EYA3: variants seen among roughly 807,000 people sequenced by gnomAD.
The protein encoded by EYA3 is EYA transcriptional coactivator and phosphatase 3.
Under a neutral mutation model 80.0 loss-of-function variants are expected in EYA3, and 39 were observed. The ratio of observed to expected loss-of-function variants is 0.49; its 90% confidence interval spans 0.38 to 0.64. EYA3 has a LOEUF of 0.64. EYA3 is among the 30% of genes least tolerant of loss of function. The pLI is 0.00. For missense variants in EYA3, 523 were observed against 676.1 expected, an observed-to-expected ratio of 0.77 and a Z score of 2.51; for synonymous variants, 206 against 232.8, an observed-to-expected ratio of 0.88 and a Z score of 1.05.
intron 17 of EYA3, among the ~76,000 whole-genome samples, chr1:27,974,882 C>CAAA (rs1222478786): frequency 1.2e-4 from 18 of 151,952 alleles, no homozygotes; most frequent in African/African-American, 4.4e-4. Context: ...TGGCCTTGAA[C>CAAA]CCCTGGTCTC....
intron 9 of EYA3, among the ~76,000 whole-genome samples, chr1:28,011,708 C>T (rs1473653774): frequency 2.0e-5 from 3 of 152,080 alleles, no homozygotes; most frequent in South Asian, 2.1e-4. Flanking sequence ...CTTCAACAAA[C>T]AAACTACAAG....
intron 7 of EYA3, among the ~76,000 whole-genome samples, chr1:28,023,207 C>A (rs1213164909): frequency 2.6e-5 from 4 of 151,956 alleles, no homozygotes; most frequent in East Asian, 3.9e-4. Context: ...GGATTATAAC[C>A]CAAAGTATAA....
intron 16 of EYA3, among the ~76,000 whole-genome samples, chr1:27,979,871 TG>T (rs1166598184): frequency 4.6e-5 from 7 of 152,214 alleles, no homozygotes; most frequent in African/African-American, 7.2e-5. Flanking sequence ...GTAACATAAT[TG>T]GCCAGAACTT....
chr1:28,004,469 A>G, intron 10 of EYA3, 50 bp from the exon 11 acceptor site: 1 of 1,341,118 alleles, frequency 7.5e-7, no homozygotes, highest in East Asian at 2.3e-5. Context: ...TTACAATGGA[A>G]TGAAACCAGA....
chr1:27,980,785 C>A (rs375069074), intron 16 of EYA3, among the ~76,000 whole-genome samples: 1 of 152,202 alleles, frequency 6.6e-6, no homozygotes, highest in Non-Finnish European at 1.5e-5. Flanking sequence ...AGTCTGCAAT[C>A]CCAGCACTTT....
At chr1:27,990,864 T>TTA (rs1557534467) in intron 14 of EYA3, among the ~76,000 whole-genome samples, 2 of 151,862 alleles carry the variant, frequency 1.3e-5, no homozygotes, top group African/African-American at 4.8e-5. Flanking sequence ...TTTTTTTTTT[T>TTA]AATTTCTCTT....
intron 11 of EYA3, among the ~76,000 whole-genome samples, chr1:28,000,378 T>A (rs895482334): frequency 1.5e-4 from 23 of 152,084 alleles, no homozygotes; most frequent in African/African-American, 5.5e-4. Context: ...AGTGGTGCAA[T>A]CTTGGCTCAC....
At chr1:28,084,556 AAT>A (rs1553159800) in intron 1 of EYA3, among the ~76,000 whole-genome samples, 400 of 32,666 alleles carry the variant, frequency 0.012, 1 homozygote, top group African/African-American at 0.015. Flanking sequence ...ACTATTCCAA[AAT>A]ATATATATAT....
At chr1:28,027,013 C>T (rs1477748803) in intron 7 of EYA3, among the ~76,000 whole-genome samples, 4 of 152,028 alleles carry the variant, frequency 2.6e-5, no homozygotes. Flanking sequence ...TTTTTGAGGT[C>T]CCATACTAAT....
At chr1:28,069,606 G>A (rs1462433498) in intron 1 of EYA3, among the ~76,000 whole-genome samples, 1 of 149,900 alleles carries the variant, frequency 6.7e-6, no homozygotes, top group Non-Finnish European at 1.5e-5. Flanking sequence ...GGGAGGGAAA[G>A]GAGAAAGGGA....
intron 9 of EYA3, 132 bp from the exon 10 acceptor site, chr1:28,011,218 T>C (rs1260041255): frequency 1.1e-6 from 1 of 921,350 alleles, no homozygotes; most frequent in Non-Finnish European, 1.6e-6. Context: ...CTAAACCTTA[T>C]GTAAGCAATT....
chr1:28,057,958 T>C (rs762268984), intron 2 of EYA3, 36 bp downstream of exon 2: 2 of 1,356,926 alleles, frequency 1.5e-6, no homozygotes, highest in Middle Eastern at 2.3e-4. Flanking sequence ...TTAGCTCTTC[T>C]ACAATCAACT....
At chr1:28,035,122 G>A (rs899673401) in intron 6 of EYA3, among the ~76,000 whole-genome samples, 4 of 152,074 alleles carry the variant, frequency 2.6e-5, no homozygotes, top group African/African-American at 9.7e-5. Context: ...GGGGTTAGGG[G>A]AGAAAGGAGA....
intron 7 of EYA3, among the ~76,000 whole-genome samples, chr1:28,026,870 T>C (rs1642820403): frequency 6.6e-6 from 1 of 152,114 alleles, no homozygotes; most frequent in Admixed American, 6.6e-5. Context: ...CAGTTCTGTT[T>C]CCACTAGACC....
At position 28,013,060 on chromosome 1, in the gene EYA3, C is replaced by T; in HGVS notation, c.769+51G>A. 1 of 1,554,904 alleles carries T rather than the reference C, an allele frequency of 6.4e-7. No individual in the cohort carries two copies. ...CATCCTTACCATTGCCTAAAAACAA[C>T]TGTTGGATGAAGTGACCTTAAGCCA... On this transcript the variant is annotated intron_variant, in intron 9 of 17. Coordinates refer to ENST00000373871, the MANE Select transcript of EYA3 (RefSeq NM_001990.4). This position sits in a 1 kb window ranked among gnomAD's most constrained non-coding sequence, Gnocchi z 4.0.
intron 6 of EYA3, among the ~76,000 whole-genome samples, chr1:28,033,229 T>C (rs1473884442): frequency 6.6e-6 from 1 of 152,182 alleles, no homozygotes; most frequent in African/African-American, 2.4e-5. Context: ...ATCAAGTGTT[T>C]TCTCCTACTT....
intron 14 of EYA3, among the ~76,000 whole-genome samples, chr1:27,991,735 C>A (rs144006885): frequency 2.6e-5 from 4 of 151,510 alleles, no homozygotes; most frequent in Non-Finnish European, 5.9e-5. Flanking sequence ...CATGATGTGG[C>A]GCTTTCATCA....
At chr1:28,041,794 T>C (rs890776998) in intron 4 of EYA3, among the ~76,000 whole-genome samples, 1 of 152,000 alleles carries the variant, frequency 6.6e-6, no homozygotes, top group African/African-American at 2.4e-5. Flanking sequence ...ACAGACAAGA[T>C]CCACCATGCC....
At chr1:28,084,850 C>A (rs1377135493) in intron 1 of EYA3, among the ~76,000 whole-genome samples, 2 of 151,540 alleles carry the variant, frequency 1.3e-5, no homozygotes, top group East Asian at 1.9e-4. Flanking sequence ...CTCAGGCAAT[C>A]TGCCTGCCTT....
Sources: allele counts gnomAD v4.1 joint callset (sites outside exome capture counted in the v4.1 genomes callset), GRCh38; gene constraint gnomAD v4.1.1; non-coding constraint Gnocchi (gnomAD v3.1); transcripts MANE v1.5; gene names NCBI Gene and HGNC (gene_info 2026-07-23, HGNC 2026-07-21).